ZNF316: variants seen among roughly 807,000 people sequenced by gnomAD.
ZNF316 encodes zinc finger protein 316.
ZNF316 carries 23 observed loss-of-function variants against 75.6 expected under a neutral mutation model. The observed-to-expected ratio is 0.30, with a 90% confidence interval of 0.22 to 0.43. The LOEUF (loss-of-function observed/expected upper bound fraction) is 0.43. Ranked by LOEUF, ZNF316 falls within the 20% of genes least tolerant of loss-of-function variation. The pLI, the probability that ZNF316 is intolerant of heterozygous loss-of-function variation, is 1.00. For synonymous variants in ZNF316, 827 were observed against 666.2 expected, an observed-to-expected ratio of 1.24 and a Z score of -3.72; for missense variants, 1,266 against 1,409.4, an observed-to-expected ratio of 0.90 and a Z score of 1.63.
Position 6,654,101 on chromosome 7 carries a change from C to T in ZNF316, c.2505C>T (p.Asp835=), listed in dbSNP as rs1269993566. 3.8e-5 allele frequency: 46 copies of T among 1,218,706 alleles called. No individual in the cohort carries two copies. Among genetic ancestry groups the T allele is most frequent in the Non-Finnish European group, 4.0e-5 (39 of 978,954 alleles). 75.5% of individuals were successfully genotyped at this position (1,218,706 alleles called of 1,614,324 possible). ...HAEEKPHRCP[D]CGKGFGHSSD... The stretch of plus-strand genomic sequence containing the variant: ...AGGAGAAGCCGCACCGCTGCCCCGA[C>T]TGCGGCAAGGGCTTCGGCCACAGCT... Residue 835 remains aspartate, a synonymous_variant, in exon 9 of 9, where the codon GAC becomes GAT. Transcript: ENST00000382252.
Position 6,657,724 on chromosome 7 carries a change from A to G in ZNF316, c.*3113A>G, listed in dbSNP as rs1424080206. Among the ~76,000 whole-genome samples the G allele has an allele frequency of 1.3e-5, 2 of 149,022 alleles. No individual in the cohort carries two copies. Among genetic ancestry groups the G allele is most frequent in the Admixed American group, 6.8e-5 (1 of 14,700 alleles). On this transcript the variant is annotated 3_prime_UTR_variant, in exon 9 of 9. Transcript: ENST00000382252. ...TAGCTGGGTGTGGTGGCGCACGTCT[A>G]TAGTCCCAGCTACTCTGGAGGCTGA...
intron 8 of ZNF316, among the ~76,000 whole-genome samples, chr7:6,648,818 G>A (rs570521909): frequency 2.0e-5 from 3 of 146,792 alleles, no homozygotes; most frequent in African/African-American, 7.4e-5. Context: ...GGGTTGCTGC[G>A]GGCACAGGGG....
rs1316160675 is a variant in ZNF316 at position 6,655,079 on chromosome 7, C to T, written c.*468C>T. 2 of 152,420 alleles carry T rather than the reference C, an allele frequency of 1.3e-5. No homozygotes were observed. The highest frequency in any genetic ancestry group is 2.4e-5 in the African/African-American group (1 of 41,472). 9.4% of individuals were successfully genotyped at this position (152,420 alleles called of 1,614,324 possible). A position where few individuals can be genotyped will look rare whatever the true frequency, so the allele number is the denominator to read the frequency against. ...GTTTGGCTGACCACTTCTTCCCATT[C>T]CTCAGTGAGAGACTTGGGCCCTCCC... On this transcript the variant is annotated 3_prime_UTR_variant, in exon 9 of 9. Transcript: ENST00000382252.
Position 6,654,409 on chromosome 7 carries a change from G to A in ZNF316, c.2813G>A (p.Arg938His). The change falls in exon 9 of 9, where the codon CGC (arginine) becomes CAC (histidine). Residue 938 changes from arginine to histidine, a missense_variant. Transcript: ENST00000382252. The stretch of plus-strand genomic sequence containing the variant: ...TTGCTCACCCACATGAAGACGCACC[G>A]CGGAGCCACCGCAGCGCCGGGCTCG... Reference protein sequence around the residue: ...SHLLTHMKTHRGATAAPGSGS... With the variant: ...SHLLTHMKTHHGATAAPGSGS... 1 of 1,212,962 alleles carries A rather than the reference G, an allele frequency of 8.2e-7. No individual in the cohort carries two copies. Among genetic ancestry groups the A allele is most frequent in the African/African-American group, 1.6e-5 (1 of 63,592 alleles). 75.1% of individuals were successfully genotyped at this position (1,212,962 alleles called of 1,614,324 possible).
Position 6,639,626 on chromosome 7 carries a change from G to A in ZNF316, c.-167+485G>A, listed in dbSNP as rs939676843. Among the ~76,000 whole-genome samples the A allele has an allele frequency of 2.6e-5, 4 of 152,124 alleles. No homozygotes were observed. The highest frequency in any genetic ancestry group is 9.7e-5 in the African/African-American group (4 of 41,416). Reference sequence around the variant, plus strand: ...CTTCTGTTGTGTCCTCATATATGGCGGCCTGGCTCTGGGAGTTTAAAGTTG... The same window carrying A: ...CTTCTGTTGTGTCCTCATATATGGCAGCCTGGCTCTGGGAGTTTAAAGTTG... On this transcript the variant is annotated intron_variant, in intron 3 of 8. Transcript: ENST00000382252. This position sits in a 1 kb window ranked among gnomAD's most constrained non-coding sequence, Gnocchi z 4.2.
At position 6,657,831 on chromosome 7, in the gene ZNF316, CAAAAA is replaced by C. The variant is rs747347808; in HGVS notation, c.*3242_*3246del. Reference sequence around the variant, plus strand: ...GTGACAGAACAAGACCCTATCTCACCAAAAAAAAAAAAAAAAAAAAAAAAAAGGTT... The same window carrying C: ...GTGACAGAACAAGACCCTATCTCACCAAAAAAAAAAAAAAAAAAAAAGGTT... On this transcript the variant is annotated 3_prime_UTR_variant, in exon 9 of 9. Coordinates refer to ENST00000382252, the MANE Select transcript of ZNF316 (RefSeq NM_001278559.2). 1.1e-4 allele frequency among the ~76,000 whole-genome samples: 3 copies of C among 27,696 alleles called. No homozygotes were observed. Among genetic ancestry groups the C allele is most frequent in the African/African-American group, 1.6e-4 (1 of 6,234 alleles). 18.2% of individuals were successfully genotyped at this position (27,696 alleles called of 152,430 possible).
At chr7:6,644,131 G>A (rs1779357678) in intron 7 of ZNF316, among the ~76,000 whole-genome samples, 183 bp downstream of exon 7, 1 of 152,142 alleles carries the variant, frequency 6.6e-6, no homozygotes, top group African/African-American at 2.4e-5. Context: ...GATGTCACTG[G>A]CCAGGCAGCA....
At chr7:6,650,585 C>T (rs936070103) in intron 8 of ZNF316, among the ~76,000 whole-genome samples, 4 of 152,126 alleles carry the variant, frequency 2.6e-5, no homozygotes, top group Admixed American at 6.6e-5. Context: ...GGCCAGCGTG[C>T]GACATGAGGG....
intron 8 of ZNF316, among the ~76,000 whole-genome samples, chr7:6,650,731 A>G (rs1779493102): frequency 6.6e-6 from 1 of 152,148 alleles, no homozygotes; most frequent in East Asian, 1.9e-4. Flanking sequence ...AGATTTCCAC[A>G]CCAGCTGTGG....
In ZNF316 at chr7:6,642,962, A is replaced by G; in HGVS notation, c.356-2A>G. 2 of 1,232,000 alleles carry G rather than the reference A, an allele frequency of 1.6e-6. No individual in the cohort carries two copies. The highest frequency in any genetic ancestry group is 2.0e-6 in the Non-Finnish European group (2 of 988,072). 76.3% of individuals were successfully genotyped at this position (1,232,000 alleles called of 1,614,324 possible). On this transcript the variant is annotated splice_acceptor_variant, in intron 5 of 8. Transcript: ENST00000382252. LOFTEE classifies it high-confidence loss of function. This position sits in a 1 kb window ranked among gnomAD's most constrained non-coding sequence, Gnocchi z 8.1. ...CTGGCCCTAAGAGATCTCTCCCCACAGGCCTGCAGGCCTCCCGGGCTCCAG... is the reference window on the plus strand; with the variant it reads ...CTGGCCCTAAGAGATCTCTCCCCACGGGCCTGCAGGCCTCCCGGGCTCCAG...
chr7:6,653,358 G>A lies in ZNF316; in HGVS notation c.1762G>A (p.Gly588Ser), dbSNP rs2115320421. 8.2e-7 allele frequency: 1 copy of A among 1,226,176 alleles called. No individual in the cohort carries two copies. The highest frequency in any genetic ancestry group is 4.1e-5 in the South Asian group (1 of 24,306). 76.0% of individuals were successfully genotyped at this position (1,226,176 alleles called of 1,614,324 possible). A position where few individuals can be genotyped will look rare whatever the true frequency, so the allele number is the denominator to read the frequency against. Residue 588 changes from glycine to serine, a missense_variant, in exon 9 of 9, where the codon GGC becomes AGC. By Grantham distance (56) the Gly-to-Ser change is moderately conservative (BLOSUM62 0). Around this residue, in one of 3 missense-constraint regions of ZNF316, gnomAD observed 961 missense variants for 990.9 expected, o/e 0.97. Transcript: ENST00000382252. ...FLELGNGLGE[G>S]EGPSSHPLGF... is the part of the protein sequence containing the mutation. The stretch of plus-strand genomic sequence containing the variant: ...GGAGCTGGGCAACGGCCTGGGGGAG[G>A]GCGAAGGCCCCTCCTCCCACCCGCT...
At position 6,653,993 on chromosome 7, in the gene ZNF316, G is replaced by T; in HGVS notation, c.2397G>T (p.Gly799=). ...HLTAHGRAHT[G]ERPYACGECG... is the part of the protein sequence containing the mutation. The stretch of plus-strand genomic sequence containing the variant: ...CGGCGCACGGGCGCGCGCACACCGG[G>T]GAGCGGCCTTACGCGTGTGGAGAGT... The change falls in exon 9 of 9, where the codon GGG becomes GGT. Residue 799 remains glycine, a synonymous_variant. Coordinates refer to ENST00000382252, the MANE Select transcript of ZNF316 (RefSeq NM_001278559.2). The T allele has an allele frequency of 8.5e-7, 1 of 1,182,056 alleles. No homozygotes were observed. The highest frequency in any genetic ancestry group is 1.0e-6 in the Non-Finnish European group (1 of 956,516). 73.2% of individuals were successfully genotyped at this position (1,182,056 alleles called of 1,614,324 possible).
At chr7:6,652,235 G>A (rs1047981676) in intron 8 of ZNF316, 68 bp from the exon 9 acceptor site, 2 of 1,228,456 alleles carry the variant, frequency 1.6e-6, no homozygotes, top group Admixed American at 4.2e-5. Context: ...TCTCGGGACA[G>A]GAACCTGCCA....
At position 6,640,990 on chromosome 7, in the gene ZNF316, C is replaced by T. The variant is rs189105913; in HGVS notation, c.-166-835C>T. On this transcript the variant is annotated intron_variant, in intron 3 of 8. Coordinates refer to ENST00000382252, the MANE Select transcript of ZNF316 (RefSeq NM_001278559.2). This position sits in a 1 kb window ranked among gnomAD's most constrained non-coding sequence, Gnocchi z 5.1. ...TGAAACCTTTTTTCTTTGCCACTTA[C>T]TCAGCCTCAGGTATTCCTTCACAGA... 1.6e-3 allele frequency among the ~76,000 whole-genome samples: 248 copies of T among 152,328 alleles called. 2 individuals carry two copies. Among genetic ancestry groups the T allele is most frequent in the African/African-American group, 5.6e-3 (234 of 41,578 alleles).
chr7:6,648,964 C>T (rs1050307668), intron 8 of ZNF316, among the ~76,000 whole-genome samples: 13 of 152,134 alleles, frequency 8.5e-5, no homozygotes, highest in African/African-American at 3.1e-4. Flanking sequence ...CCTGTGACAG[C>T]CCCAGCCCCA....
intron 7 of ZNF316, among the ~76,000 whole-genome samples, chr7:6,644,162 C>T (rs1455541425): frequency 5.3e-5 from 8 of 152,170 alleles, no homozygotes; most frequent in Non-Finnish European, 1.2e-4. Flanking sequence ...GGTGACACAT[C>T]TGTGGAGGCT....
chr7:6,653,644 CGCTGGCGGA>C lies in ZNF316; in HGVS notation c.2050_2058del (p.Leu684_Glu686del), dbSNP rs1352696907. ...CTGCTGGCGGAGCCCGCGCCGGCCG[CGCTGGCGGA>C]GGAGGAGAGCCCGTGGATCTGCTCG... On this transcript the variant is annotated inframe_deletion, in exon 9 of 9. Transcript: ENST00000382252. 6 of 1,067,184 alleles carry C rather than the reference CGCTGGCGGA, an allele frequency of 5.6e-6. No homozygotes were observed. Among genetic ancestry groups the C allele is most frequent in the Non-Finnish European group, 6.8e-6 (6 of 881,240 alleles). 66.1% of individuals were successfully genotyped at this position (1,067,184 alleles called of 1,614,324 possible).
chr7:6,642,690 A>C lies in ZNF316; in HGVS notation c.281A>C (p.Glu94Ala), dbSNP rs1365142931. The C allele has an allele frequency of 8.9e-6, 11 of 1,235,134 alleles. No homozygotes were observed. The highest frequency in any genetic ancestry group is 3.1e-5 in the African/African-American group (2 of 64,232). The allele number at this position is 1,235,134 out of a possible 1,614,324, so 76.5% of individuals were successfully genotyped here. The change falls in exon 5 of 9, where the codon GAG (glutamate) becomes GCG (alanine). Residue 94 changes from glutamate (E) to alanine (A), a missense_variant. Glu to Ala is a moderately radical substitution (Grantham distance 107, BLOSUM62 -1). Coordinates refer to ENST00000382252, the MANE Select transcript of ZNF316 (RefSeq NM_001278559.2). This position sits in a 1 kb window ranked among gnomAD's most constrained non-coding sequence, Gnocchi z 8.1. ...EDVKEVLAEE[E>A]CPALGTQERL... ...GTGAAGGAGGTGCTGGCAGAGGAGG[A>C]GTGTCCGGCGTTGGGGACCCAGGAG...
At position 6,640,057 on chromosome 7, in the gene ZNF316, G is replaced by C. The variant is rs1272174660; in HGVS notation, c.-167+916G>C. ...CAGTCAGGGGGCACGTGTGACCTTC[G>C]GGACAGAGGTGGCTTCTGGATGCCT... On this transcript the variant is annotated intron_variant, in intron 3 of 8. Transcript: ENST00000382252. The surrounding 1 kb of genome is among the most constrained non-coding windows in gnomAD (Gnocchi z 5.1). Among the ~76,000 whole-genome samples, 1 of 152,158 alleles carries C rather than the reference G, an allele frequency of 6.6e-6. No homozygotes were observed. The highest frequency in any genetic ancestry group is 1.9e-4 in the East Asian group (1 of 5,200).
Sources: gnomAD v4.1 joint callset for allele counts (sites outside exome capture counted in the v4.1 genomes callset) on GRCh38, gnomAD v4.1.1 for gene constraint, gnomAD v4.1.1 regional missense constraint, Gnocchi (gnomAD v3.1) non-coding constraint, MANE v1.5 for transcripts, NCBI Gene and HGNC (gene_info 2026-07-23, HGNC 2026-07-21) for gene names.